The following CNTN6 variants were observed in gnomAD, a reference collection of about 807,000 sequenced individuals.
CNTN6 encodes the protein contactin-6.
In CNTN6, 137 loss-of-function variants were observed where a neutral mutation model predicts 122.8. That is an observed-to-expected ratio of 1.12 (90% CI 0.97 to 1.29). The LOEUF (loss-of-function observed/expected upper bound fraction) is 1.29, where lower values mean the gene tolerates loss of function less well. CNTN6 is among the 50% of genes most tolerant of loss of function. The pLI, the probability that CNTN6 is intolerant of heterozygous loss-of-function variation, is 0.00. For synonymous variants in CNTN6, 570 were observed against 426.0 expected (o/e 1.34, Z -4.16); for missense variants, 1,634 against 1,223.4 (o/e 1.34, Z -5.01).
chr3:1,315,862 TAC>T (rs1365316713), intron 7 of CNTN6, among the ~76,000 whole-genome samples: 1 of 151,942 alleles, frequency 6.6e-6, no homozygotes. Context: ...GCAGGAAATT[TAC>T]ACACACTCAT....
chr3:1,236,646 C>T, intron 4 of CNTN6, among the ~76,000 whole-genome samples: 1 of 152,140 alleles, frequency 6.6e-6, no homozygotes, highest in East Asian at 1.9e-4. Context: ...ACCAGAGAGA[C>T]AATAATGATA....
intron 5 of CNTN6, among the ~76,000 whole-genome samples, chr3:1,280,113 C>G (rs923403033): frequency 6.6e-6 from 1 of 152,114 alleles, no homozygotes; most frequent in Non-Finnish European, 1.5e-5. Flanking sequence ...TATGCTCTTA[C>G]GATGTTATTC....
At chr3:1,202,301 A>G (rs71309804) in intron 2 of CNTN6, among the ~76,000 whole-genome samples, 29,154 of 152,004 alleles carry the variant, frequency 0.19, 3,114 homozygotes, top group Non-Finnish European at 0.25. Flanking sequence ...AGCACTTCGG[A>G]AGGCCGAGGC....
At chr3:1,334,902 G>C (rs1163853379) in intron 11 of CNTN6, among the ~76,000 whole-genome samples, 1 of 152,064 alleles carries the variant, frequency 6.6e-6, no homozygotes, top group East Asian at 1.9e-4. Context: ...TAGACCGATG[G>C]TATGATTATT....
chr3:1,298,434 A>G (rs1696652330), intron 7 of CNTN6: 1 of 153,464 alleles, frequency 6.5e-6, no homozygotes, highest in African/African-American at 2.4e-5. Context: ...TGTTTCCAAA[A>G]TAAGACTAAT....
chr3:1,381,798 T>TATCA (rs1452089675), intron 17 of CNTN6, among the ~76,000 whole-genome samples: 8 of 152,180 alleles, frequency 5.3e-5, no homozygotes, highest in Non-Finnish European at 1.0e-4. Flanking sequence ...TGTGTATATC[T>TATCA]ATCATTGTTT....
At chr3:1,388,319 C>T (rs558559940) in intron 20 of CNTN6, among the ~76,000 whole-genome samples, 2 of 146,258 alleles carry the variant, frequency 1.4e-5, no homozygotes, top group African/African-American at 2.5e-5. Context: ...CCTCACACGG[C>T]AGGGTATGCC....
At chr3:1,158,847 TACATACA>T (rs2093046485) in intron 2 of CNTN6, among the ~76,000 whole-genome samples, 3 of 92,122 alleles carry the variant, frequency 3.3e-5, no homozygotes, top group African/African-American at 1.6e-4. Flanking sequence ...CACATATATA[TACATACA>T]TATATATACA....
At position 1,190,909 on chromosome 3, in the gene CNTN6, C is replaced by T. The variant is rs35056723; in HGVS notation, c.56-29778C>T. Among the ~76,000 whole-genome samples the T allele has an allele frequency of 9.6e-3, 1,460 of 152,228 alleles. 25 individuals carry two copies. The highest frequency in any genetic ancestry group is 0.032 in the African/African-American group (1,330 of 41,526). On this transcript the variant is annotated intron_variant, in intron 2 of 22. Transcript: ENST00000446702. ...ACATAAGTCCAAAAGTCATTTCTCA[C>T]CACTTTTCTTGTCTTCCTTTTATTA...
chr3:1,118,909 TC>T (rs775354349), intron 1 of CNTN6, among the ~76,000 whole-genome samples: 14 of 152,144 alleles, frequency 9.2e-5, no homozygotes, highest in Non-Finnish European at 1.0e-4. Flanking sequence ...TTTTCCTCTC[TC>T]CTTTTTCTTT....
chr3:1,280,555 C>T (rs1016938656), intron 5 of CNTN6, among the ~76,000 whole-genome samples: 10 of 146,324 alleles, frequency 6.8e-5, no homozygotes, highest in African/African-American at 2.5e-4. Flanking sequence ...ACCTCTGCCT[C>T]CTGGGTTCAA....
At chr3:1,291,727 A>G (rs538259348) in intron 5 of CNTN6, among the ~76,000 whole-genome samples, 71 of 152,306 alleles carry the variant, frequency 4.7e-4, no homozygotes, top group African/African-American at 1.6e-3. Context: ...ACCTTTGAGC[A>G]TCTCTTTGGT....
chr3:1,243,124 C>T (rs1454371620), intron 4 of CNTN6, among the ~76,000 whole-genome samples: 4 of 152,152 alleles, frequency 2.6e-5, no homozygotes, highest in African/African-American at 9.7e-5. Context: ...AGCCTTGGGC[C>T]AGAGTTCCAG....
intron 5 of CNTN6, among the ~76,000 whole-genome samples, chr3:1,287,490 C>G (rs932859639): frequency 3.3e-5 from 5 of 152,094 alleles, no homozygotes; most frequent in African/African-American, 1.2e-4. Context: ...AAGTCTAGTC[C>G]TCATATATTT....
intron 2 of CNTN6, among the ~76,000 whole-genome samples, chr3:1,148,763 G>C (rs1040576578): frequency 6.6e-6 from 1 of 152,092 alleles, no homozygotes; most frequent in African/African-American, 2.4e-5. Context: ...GGGCTCAAAT[G>C]GGTCTTCTTT....
intron 10 of CNTN6, among the ~76,000 whole-genome samples, chr3:1,328,895 G>T (rs1701893276): frequency 6.6e-6 from 1 of 151,456 alleles, no homozygotes; most frequent in Non-Finnish European, 1.5e-5. Flanking sequence ...CTTCTGAACT[G>T]GCATTTGTTC....
At chr3:1,235,814 T>C (rs1027779805) in intron 4 of CNTN6, among the ~76,000 whole-genome samples, 1 of 152,004 alleles carries the variant, frequency 6.6e-6, no homozygotes, top group Non-Finnish European at 1.5e-5. Flanking sequence ...TGGGGCAGGT[T>C]CTCAGCCCTG....
intron 3 of CNTN6, among the ~76,000 whole-genome samples, chr3:1,224,649 A>G (rs1317479286): frequency 1.3e-5 from 2 of 152,172 alleles, no homozygotes; most frequent in African/African-American, 4.8e-5. Context: ...ATTTTGAAAA[A>G]CACCAACAGG....
At chr3:1,102,650 C>G (rs1282794877) in intron 1 of CNTN6, among the ~76,000 whole-genome samples, 1 of 149,434 alleles carries the variant, frequency 6.7e-6, no homozygotes, top group Non-Finnish European at 1.5e-5. Flanking sequence ...ATGGCGGGAA[C>G]CCGGGGGGCG....
Sources: gnomAD v4.1 joint callset for allele counts (sites outside exome capture counted in the v4.1 genomes callset) on GRCh38, gnomAD v4.1.1 for gene constraint, MANE v1.5 for transcripts, NCBI Gene and HGNC (gene_info 2026-07-23, HGNC 2026-07-21) for gene names.